OSBPL8: variants seen among roughly 807,000 people sequenced by gnomAD.
OSBPL8 encodes oxysterol-binding protein-related protein 8.
OSBPL8 carries 59 observed loss-of-function variants against 125.5 expected under a neutral mutation model. That is an observed-to-expected ratio of 0.47 (90% confidence interval 0.38 to 0.58). The LOEUF (loss-of-function observed/expected upper bound fraction) is 0.58. OSBPL8 is among the 20% of genes least tolerant of loss of function. The probability of loss-of-function intolerance (pLI) is 0.00; values close to 1 mark genes in which losing one functional copy is unlikely to be tolerated. For missense variants in OSBPL8, 758 were observed against 1,047.8 expected (o/e 0.72, Z 3.82); for synonymous variants, 330 against 338.9 (o/e 0.97, Z 0.29).
chr12:76,414,825 T>G (rs1369776461), intron 4 of OSBPL8, among the ~76,000 whole-genome samples: 1 of 152,146 alleles, frequency 6.6e-6, no homozygotes, highest in Non-Finnish European at 1.5e-5. Context: ...AAAACGAAAT[T>G]TGGATTTCAT....
At chr12:76,534,297 C>T (rs551917970) in intron 1 of OSBPL8, 8 of 152,160 alleles carry the variant, frequency 5.3e-5, no homozygotes, top group East Asian at 3.9e-4. Context: ...AAAGAATGGG[C>T]GAAGAAGGAA....
chr12:76,550,700 A>G lies in OSBPL8; in HGVS notation c.-68+8697T>C, dbSNP rs569939189. 2.0e-5 allele frequency among the ~76,000 whole-genome samples: 3 copies of G among 152,356 alleles called. No homozygotes were observed. In the South Asian group the frequency reaches 6.2e-4, roughly 32 times the overall value. ...CAGCTCACCAGCCAGGGATTGGACA[A>G]GCTTAGTCTAGCCAATAAAAAGTAC... is the stretch of plus-strand genomic sequence containing the variant. On this transcript the variant is annotated intron_variant, in intron 1 of 23. Transcript: ENST00000261183.
At chr12:76,357,936 C>A (rs1308350379) in intron 22 of OSBPL8, among the ~76,000 whole-genome samples, 1 of 151,832 alleles carries the variant, frequency 6.6e-6, no homozygotes, top group Non-Finnish European at 1.5e-5. Flanking sequence ...ATACTTTACA[C>A]ATTATCTGAC....
chr12:76,375,024 T>C (rs1175354546), intron 17 of OSBPL8, among the ~76,000 whole-genome samples: 1 of 152,174 alleles, frequency 6.6e-6, no homozygotes, highest in Non-Finnish European at 1.5e-5. Context: ...ACCCACAGTT[T>C]TATTAATTAA....
chr12:76,409,661 A>G (rs1000385068), intron 5 of OSBPL8, among the ~76,000 whole-genome samples: 1 of 152,306 alleles, frequency 6.6e-6, no homozygotes, highest in East Asian at 1.9e-4. Context: ...TTAAACTTCT[A>G]GCCTAAGTAC....
chr12:76,484,309 C>T (rs903001959), intron 2 of OSBPL8, among the ~76,000 whole-genome samples: 5 of 152,180 alleles, frequency 3.3e-5, no homozygotes, highest in African/African-American at 9.6e-5. Context: ...ATGATCCCTA[C>T]GTTCATGTGC....
rs550157267 is a variant in OSBPL8, at chr12:76,436,637, GAACTT to G, written c.217+14209_217+14213del. ...TAAAGGACAATGTTTTGAATTGAAGGAACTTAACTTAATAAAAAACTCATGGTAGT... is the reference window on the plus strand; with the variant it reads ...TAAAGGACAATGTTTTGAATTGAAGGAACTTAATAAAAAACTCATGGTAGT... On this transcript the variant is annotated intron_variant, in intron 4 of 23. Transcript: ENST00000261183. 4.4e-3 allele frequency among the ~76,000 whole-genome samples: 669 copies of G among 152,036 alleles called. 6 individuals carry two copies. The highest frequency in any genetic ancestry group is 0.015 in the African/African-American group (630 of 41,498).
intron 1 of OSBPL8, among the ~76,000 whole-genome samples, chr12:76,545,644 A>G (rs1284200009): frequency 6.6e-6 from 1 of 152,192 alleles, no homozygotes; most frequent in African/African-American, 2.4e-5. Flanking sequence ...TGAGTGCCTA[A>G]CTCTGCCCAG....
At chr12:76,360,067 T>C (rs1381092324) in intron 21 of OSBPL8, among the ~76,000 whole-genome samples, 2 of 152,176 alleles carry the variant, frequency 1.3e-5, no homozygotes, top group African/African-American at 4.8e-5. Flanking sequence ...TTAATTCATT[T>C]CAGCATTAAC....
Position 76,450,890 on chromosome 12 carries a change from G to T in OSBPL8, c.178C>A (p.His60Asn). The T allele has an allele frequency of 6.2e-7, 1 of 1,613,666 alleles. No individual in the cohort carries two copies. Among genetic ancestry groups the T allele is most frequent in the Non-Finnish European group, 8.5e-7 (1 of 1,179,822 alleles). The stretch of plus-strand genomic sequence containing the variant: ...CTTGCTGGACTAAGAGATGGCTGAT[G>T]CAAATCTTTGGTTGGCGTTGGATAA... ...EAYPTPTKDL[H>N]QPSLSPASPH... The change falls in exon 4 of 24, where the codon CAT becomes AAT. Residue 60 changes from histidine (H) to asparagine (N), a missense_variant. This residue lies in a region of OSBPL8 where 117 missense variants were observed against 137.1 expected (regional missense o/e 0.85). Transcript: ENST00000261183.
intron 2 of OSBPL8, among the ~76,000 whole-genome samples, chr12:76,473,478 AG>A (rs1393520855): frequency 2.0e-5 from 3 of 152,158 alleles, no homozygotes; most frequent in African/African-American, 7.2e-5. Context: ...TTTCAACCTT[AG>A]ATGCACATTG....
At chr12:76,494,154 G>A (rs1879022537) in intron 1 of OSBPL8, among the ~76,000 whole-genome samples, 1 of 152,132 alleles carries the variant, frequency 6.6e-6, no homozygotes, top group Non-Finnish European at 1.5e-5. Flanking sequence ...CATTTGGGGA[G>A]GGTTGATTAT....
chr12:76,399,703 T>C (rs946829453), intron 7 of OSBPL8, among the ~76,000 whole-genome samples, 170 bp downstream of exon 7: 6 of 152,174 alleles, frequency 3.9e-5, no homozygotes, highest in Non-Finnish European at 7.4e-5. Flanking sequence ...TTCTCTTCAT[T>C]AAGATGGGAA....
In OSBPL8 at chr12:76,353,949, G is replaced by A. The variant is rs1951901792; in HGVS notation, c.*1940C>T. 6.6e-6 allele frequency: 1 copy of A among 152,252 alleles called. No homozygotes were observed. The highest frequency in any genetic ancestry group is 2.1e-4 in the South Asian group (1 of 4,822). 9.4% of individuals were successfully genotyped at this position (152,252 alleles called of 1,614,324 possible). On this transcript the variant is annotated 3_prime_UTR_variant, in exon 24 of 24. Transcript: ENST00000261183. ...GACCAAATGAAAACAACATACACGT[G>A]GATAAGACCAAAGTCCTAAGAGGTG...
intron 4 of OSBPL8, among the ~76,000 whole-genome samples, chr12:76,448,718 T>A (rs1424729379): frequency 1.3e-5 from 2 of 152,196 alleles, no homozygotes; most frequent in African/African-American, 4.8e-5. Flanking sequence ...ACATTTTCTA[T>A]TGAAATAAAG....
At chr12:76,500,318 T>C (rs1425218098) in intron 1 of OSBPL8, among the ~76,000 whole-genome samples, 1 of 152,228 alleles carries the variant, frequency 6.6e-6, no homozygotes, top group East Asian at 1.9e-4. Flanking sequence ...CATATTTCCA[T>C]GCCTTTGCCT....
chr12:76,399,497 C>CT (rs1289227412), intron 7 of OSBPL8, among the ~76,000 whole-genome samples: 1 of 152,086 alleles, frequency 6.6e-6, no homozygotes, highest in African/African-American at 2.4e-5. Context: ...TTTAAAATAG[C>CT]TTTTATATTA....
chr12:76,369,156 A>C, intron 21 of OSBPL8, 58 bp downstream of exon 21: 1 of 1,564,732 alleles, frequency 6.4e-7, no homozygotes, highest in South Asian at 1.2e-5. Context: ...TGGTTGCTAT[A>C]GATACTAAAG....
rs1005027059 is a variant in OSBPL8, at chr12:76,356,077, G to C, written c.2538-56C>G. On this transcript the variant is annotated intron_variant, in intron 23 of 23. Coordinates refer to ENST00000261183, the MANE Select transcript of OSBPL8 (RefSeq NM_020841.5). ...ATGATTTGCCAGAAATGTTGGCATA[G>C]AGCCCACAATTTGATATTAAACAGT... 46 of 1,336,316 alleles carry C rather than the reference G, an allele frequency of 3.4e-5. No individual in the cohort carries two copies. The Admixed American group carries it at 8.8e-4, about 26-fold the overall frequency. The allele number at this position is 1,336,316 out of a possible 1,614,324, so 82.8% of individuals were successfully genotyped here. A position where few individuals can be genotyped will look rare whatever the true frequency, so the allele number is the denominator to read the frequency against.
Sources: allele counts gnomAD v4.1 joint callset (sites outside exome capture counted in the v4.1 genomes callset), GRCh38; gene constraint gnomAD v4.1.1; regional missense constraint gnomAD v4.1.1; transcripts MANE v1.5; gene names NCBI Gene and HGNC (gene_info 2026-07-23, HGNC 2026-07-21).